The following CNKSR2 variants were observed in gnomAD, a reference collection of about 807,000 sequenced individuals.
CNKSR2 encodes CNK homolog protein 2.
CNKSR2 carries 14 observed loss-of-function variants against 84.4 expected under a neutral mutation model. The ratio of observed to expected loss-of-function variants is 0.17; its 90% CI spans 0.11 to 0.26. CNKSR2 has a LOEUF of 0.26. CNKSR2 is among the 10% of genes least tolerant of loss of function. The probability of loss-of-function intolerance (pLI) is 1.00; values close to 1 mark genes in which losing one functional copy is unlikely to be tolerated. For synonymous variants in CNKSR2, 275 were observed against 277.9 expected, an observed-to-expected ratio of 0.99 and a Z score of 0.10; for missense variants, 485 against 771.2, an observed-to-expected ratio of 0.63 and a Z score of 4.40.
At chrX:21,576,153 CAGAAT>C (rs2092317961) in intron 13 of CNKSR2, among the ~76,000 whole-genome samples, 1 of 112,112 alleles carries the variant, frequency 8.9e-6, no homozygotes, top group African/African-American at 3.2e-5. Context: ...AGATACTCAT[CAGAAT>C]AGAAGTTATC....
At chrX:21,442,365 T>C (rs2090795780) in intron 4 of CNKSR2, among the ~76,000 whole-genome samples, 1 of 111,538 alleles carries the variant, frequency 9.0e-6, no homozygotes, top group Non-Finnish European at 1.9e-5. Flanking sequence ...ATGAGACAGG[T>C]ACCCACACAC....
At chrX:21,613,675 T>C (rs2092561757) in intron 20 of CNKSR2, among the ~76,000 whole-genome samples, 1 of 112,714 alleles carries the variant, frequency 8.9e-6, no homozygotes, top group Non-Finnish European at 1.9e-5. Context: ...GTTTTGTGGC[T>C]CACGCCTGTA....
chrX:21,627,430 C>T (rs946733186), intron 20 of CNKSR2, among the ~76,000 whole-genome samples: 8 of 111,068 alleles, frequency 7.2e-5, no homozygotes, highest in South Asian at 7.8e-4. Flanking sequence ...ACCCGGGAGG[C>T]GGAGCTGGCA....
At chrX:21,607,708 G>A (rs1309252806) in intron 19 of CNKSR2, among the ~76,000 whole-genome samples, 1 of 110,731 alleles carries the variant, frequency 9.0e-6, no homozygotes, top group African/African-American at 3.3e-5. Flanking sequence ...GGAGGCTGAG[G>A]CACAAGAATC....
intron 4 of CNKSR2, among the ~76,000 whole-genome samples, chrX:21,459,369 A>G (rs1367953160): frequency 8.9e-6 from 1 of 111,977 alleles, no homozygotes; most frequent in African/African-American, 3.2e-5. Flanking sequence ...CCTGGTTGAT[A>G]AATTTGCCAC....
At chrX:21,614,462 TA>T (rs2092567231) in intron 20 of CNKSR2, among the ~76,000 whole-genome samples, 1 of 111,507 alleles carries the variant, frequency 9.0e-6, no homozygotes, top group African/African-American at 3.3e-5. Flanking sequence ...TGGAGAAGGA[TA>T]TACACAGTGT....
intron 6 of CNKSR2, chrX:21,494,948 C>T (rs1269854093): frequency 9.0e-6 from 1 of 111,685 alleles, no homozygotes; most frequent in Non-Finnish European, 1.9e-5. Flanking sequence ...CCTATCCTGC[C>T]TCAAAGAGAG....
At chrX:21,481,362 G>A (rs751777817) in intron 5 of CNKSR2, among the ~76,000 whole-genome samples, 2 of 111,522 alleles carry the variant, frequency 1.8e-5, no homozygotes, top group African/African-American at 3.3e-5. Flanking sequence ...AGATGACCTC[G>A]AAATCTAATT....
chrX:21,454,013 G>A (rs755475558), intron 4 of CNKSR2, among the ~76,000 whole-genome samples: 11 of 111,634 alleles, frequency 9.9e-5, no homozygotes, highest in Admixed American at 1.9e-4. Flanking sequence ...TTTGGGTGGG[G>A]ACACAAGTCC....
intron 4 of CNKSR2, among the ~76,000 whole-genome samples, chrX:21,453,090 G>T (rs2090956555): frequency 1.8e-5 from 2 of 109,883 alleles, no homozygotes. Context: ...TTTATAATTT[G>T]GAAAAAATTA....
At chrX:21,554,099 T>TC (rs1355413759) in intron 11 of CNKSR2, among the ~76,000 whole-genome samples, 7 of 111,671 alleles carry the variant, frequency 6.3e-5, no homozygotes, top group Non-Finnish European at 1.3e-4. Context: ...ATTTCCAAAC[T>TC]CCAATGTGTA....
At position 21,497,783 on chromosome X, in the gene CNKSR2, T is replaced by A. The variant is rs779011548; in HGVS notation, c.682-4T>A. 1 of 851,762 alleles carries A rather than the reference T, an allele frequency of 1.2e-6. No homozygotes were observed. The highest frequency in any genetic ancestry group is 2.1e-5 in the South Asian group (1 of 47,798). 70.2% of individuals were successfully genotyped at this position (851,762 alleles called of 1,213,427 possible). A position where few individuals can be genotyped will look rare whatever the true frequency, so the allele number is the denominator to read the frequency against. On this transcript the variant is annotated splice_polypyrimidine_tract_variant and splice_region_variant and intron_variant, in intron 6 of 21. Coordinates refer to ENST00000379510, the MANE Select transcript of CNKSR2 (RefSeq NM_014927.5). ...TTTCTTTTCTGATGCTGTCTTTTTC[T>A]TAGGGTATGTATATTAAATCTACAT...
At chrX:21,646,586 T>C (rs780127773) in intron 20 of CNKSR2, among the ~76,000 whole-genome samples, 1 of 111,766 alleles carries the variant, frequency 8.9e-6, no homozygotes, top group African/African-American at 3.2e-5. Context: ...GGAGGAAGGT[T>C]CTTTTAAAAT....
chrX:21,595,449 T>G (rs1395596389), intron 17 of CNKSR2, 54 bp downstream of exon 17: 4 of 700,881 alleles, frequency 5.7e-6, no homozygotes, highest in Non-Finnish European at 6.5e-6. Flanking sequence ...TTCTAAATTT[T>G]CTACAGTAAT....
At chrX:21,392,654 A>G (rs1461000586) in intron 1 of CNKSR2, among the ~76,000 whole-genome samples, 3 of 111,536 alleles carry the variant, frequency 2.7e-5, no homozygotes. Context: ...TCAACATGAG[A>G]TTTGGGTGGG....
intron 13 of CNKSR2, among the ~76,000 whole-genome samples, chrX:21,568,113 C>A (rs947079544): frequency 5.4e-5 from 6 of 110,839 alleles, no homozygotes; most frequent in African/African-American, 1.6e-4. Flanking sequence ...CATGTCAAAA[C>A]CCCATCTCTA....
intron 5 of CNKSR2, among the ~76,000 whole-genome samples, chrX:21,476,969 C>G (rs2091266621): frequency 1.8e-5 from 2 of 111,588 alleles, no homozygotes; most frequent in Non-Finnish European, 3.8e-5. Context: ...ATTTTCAGTT[C>G]TATACTCTAC....
chrX:21,535,622 TG>T (rs1160705720), intron 11 of CNKSR2, among the ~76,000 whole-genome samples: 1 of 111,167 alleles, frequency 9.0e-6, no homozygotes, highest in East Asian at 2.8e-4. Context: ...AAGTATTTTT[TG>T]TAGCTATTAT....
At chrX:21,468,947 C>G (rs1025924503) in intron 4 of CNKSR2, among the ~76,000 whole-genome samples, 1 of 111,910 alleles carries the variant, frequency 8.9e-6, no homozygotes, top group Non-Finnish European at 1.9e-5. Flanking sequence ...ACACTACCAT[C>G]TAACATCATA....
Sources: gnomAD v4.1 joint callset for allele counts (sites outside exome capture counted in the v4.1 genomes callset) on GRCh38, gnomAD v4.1.1 for gene constraint, MANE v1.5 for transcripts, NCBI Gene and HGNC (gene_info 2026-07-23, HGNC 2026-07-21) for gene names.